The following CADM2 variants were observed in gnomAD, a reference collection of about 807,000 sequenced individuals.
The protein encoded by CADM2 is immunoglobulin superfamily member 4D.
Under a neutral mutation model 49.8 loss-of-function variants are expected in CADM2, and 12 were observed. That is an observed-to-expected ratio of 0.24 (90% CI 0.15 to 0.39). The LOEUF is 0.39. Ranked by LOEUF, CADM2 falls within the 10% of genes least tolerant of loss-of-function variation. The pLI is 1.00. For missense variants in CADM2, 378 were observed against 492.3 expected (o/e 0.77, Z 2.20); for synonymous variants, 214 against 175.4 (o/e 1.22, Z -1.74).
chr3:84,981,595 C>G (rs1190379648), intron 1 of CADM2, among the ~76,000 whole-genome samples: 1 of 152,060 alleles, frequency 6.6e-6, no homozygotes, highest in African/African-American at 2.4e-5. Flanking sequence ...TAGACAGCTT[C>G]TACTTGCCCA....
intron 3 of CADM2, among the ~76,000 whole-genome samples, chr3:85,819,306 C>G (rs901942899): frequency 1.3e-5 from 2 of 152,128 alleles, no homozygotes; most frequent in Non-Finnish European, 2.9e-5. Flanking sequence ...TCCCAGTCCA[C>G]TGACTCAAAG....
intron 1 of CADM2, among the ~76,000 whole-genome samples, chr3:85,144,338 C>T (rs537041115): frequency 3.3e-5 from 5 of 152,014 alleles, no homozygotes; most frequent in Non-Finnish European, 5.9e-5. Context: ...GTGCTGGGCG[C>T]GATGGCTCAC....
intron 8 of CADM2, among the ~76,000 whole-genome samples, chr3:86,018,035 A>C (rs1197989577): frequency 2.3e-5 from 2 of 87,620 alleles, no homozygotes; most frequent in Non-Finnish European, 4.4e-5. Flanking sequence ...CCCTCCCCCC[A>C]CCCCACAACA....
At chr3:86,044,933 A>G (rs550624029) in intron 8 of CADM2, among the ~76,000 whole-genome samples, 1 of 152,140 alleles carries the variant, frequency 6.6e-6, no homozygotes, top group Non-Finnish European at 1.5e-5. Context: ...GCTGGAAACC[A>G]TCATTCTCAG....
chr3:85,230,688 C>T (rs987143438), intron 1 of CADM2, among the ~76,000 whole-genome samples: 1 of 152,154 alleles, frequency 6.6e-6, no homozygotes, highest in Non-Finnish European at 1.5e-5. Context: ...TATTAACTCT[C>T]AGATACTGCT....
At chr3:85,089,534 A>G (rs1050117975) in intron 1 of CADM2, among the ~76,000 whole-genome samples, 5 of 152,160 alleles carry the variant, frequency 3.3e-5, no homozygotes, top group Non-Finnish European at 7.4e-5. Flanking sequence ...ACTCACATAA[A>G]TGATTTTCAA....
chr3:85,892,856 G>A (rs1222585865), intron 5 of CADM2, among the ~76,000 whole-genome samples: 1 of 152,172 alleles, frequency 6.6e-6, no homozygotes, highest in Non-Finnish European at 1.5e-5. Context: ...GAAAATGTGG[G>A]AAAATTTAGA....
At chr3:85,914,701 G>A (rs533860390) in intron 6 of CADM2, among the ~76,000 whole-genome samples, 2 of 152,160 alleles carry the variant, frequency 1.3e-5, no homozygotes, top group African/African-American at 4.8e-5. Flanking sequence ...CCACATTTAT[G>A]TAAGTTGCTC....
chr3:86,034,999 A>G (rs1578014643), intron 8 of CADM2, among the ~76,000 whole-genome samples: 1 of 152,062 alleles, frequency 6.6e-6, no homozygotes, highest in East Asian at 1.9e-4. Flanking sequence ...CCTGCCTCAA[A>G]GTTTATTTTC....
At chr3:85,383,437 C>T (rs1306832814) in intron 1 of CADM2, among the ~76,000 whole-genome samples, 1 of 148,960 alleles carries the variant, frequency 6.7e-6, no homozygotes, top group African/African-American at 2.5e-5. Flanking sequence ...ATATATCAGT[C>T]ATATTTTAAG....
chr3:85,996,246 C>T (rs1439668244), intron 8 of CADM2, among the ~76,000 whole-genome samples: 1 of 150,458 alleles, frequency 6.6e-6, no homozygotes, highest in Admixed American at 6.6e-5. Context: ...CTTATTAAAG[C>T]CTGAAAGGCC....
At chr3:85,296,598 C>T (rs773066785) in intron 1 of CADM2, among the ~76,000 whole-genome samples, 3 of 151,954 alleles carry the variant, frequency 2.0e-5, no homozygotes, top group Non-Finnish European at 4.4e-5. Flanking sequence ...TAAATGATAC[C>T]TTAGAGTCTC....
At chr3:85,107,909 C>A (rs1043213185) in intron 1 of CADM2, among the ~76,000 whole-genome samples, 1 of 151,952 alleles carries the variant, frequency 6.6e-6, no homozygotes, top group Non-Finnish European at 1.5e-5. Context: ...CAATGTTTGG[C>A]CAGGCTGGTC....
At chr3:85,430,242 G>A (rs2036598663) in intron 1 of CADM2, among the ~76,000 whole-genome samples, 1 of 152,130 alleles carries the variant, frequency 6.6e-6, no homozygotes, top group Non-Finnish European at 1.5e-5. Flanking sequence ...AGCTTTCCTA[G>A]GGTATTTGAT....
intron 1 of CADM2, among the ~76,000 whole-genome samples, chr3:85,453,663 G>A (rs1196211134): frequency 6.6e-6 from 1 of 151,986 alleles, no homozygotes; most frequent in Non-Finnish European, 1.5e-5. Flanking sequence ...AAAAATAATG[G>A]TGAATGTTTT....
intron 1 of CADM2, among the ~76,000 whole-genome samples, chr3:85,688,072 A>G (rs543885811): frequency 4.5e-4 from 69 of 152,172 alleles, no homozygotes; most frequent in Non-Finnish European, 8.8e-4. Flanking sequence ...AACCCACCCA[A>G]TGTATGTGGA....
At chr3:85,970,346 T>C (rs1366849195) in intron 8 of CADM2, among the ~76,000 whole-genome samples, 1 of 151,402 alleles carries the variant, frequency 6.6e-6, no homozygotes, top group Non-Finnish European at 1.5e-5. Context: ...GCTCTGACCA[T>C]TAGAAATACA....
rs374464356 is a variant in CADM2, at chr3:85,803,577, T to C, written c.238+1381T>C. Among the ~76,000 whole-genome samples, 78 of 152,134 alleles carry C rather than the reference T, an allele frequency of 5.1e-4. No homozygotes were observed. The East Asian group carries it at 0.013, about 26-fold the overall frequency. On this transcript the variant is annotated intron_variant, in intron 3 of 9. Transcript: ENST00000383699. ...TTTTAATAAATTGGCTCAAGTAATT[T>C]TGGGGTCTGGCAAGTTTGAAAAATG...
At chr3:86,058,194 C>T (rs1738220328) in intron 8 of CADM2, among the ~76,000 whole-genome samples, 1 of 152,170 alleles carries the variant, frequency 6.6e-6, no homozygotes, top group African/African-American at 2.4e-5. Flanking sequence ...TTAATATTTT[C>T]CCTAATCTTT....
Sources: allele counts gnomAD v4.1 joint callset (sites outside exome capture counted in the v4.1 genomes callset), GRCh38; gene constraint gnomAD v4.1.1; transcripts MANE v1.5; gene names NCBI Gene and HGNC (gene_info 2026-07-23, HGNC 2026-07-21).